SHROOM2: variants seen among roughly 807,000 people sequenced by gnomAD.
SHROOM2 encodes the protein protein Shroom2.
Under a neutral mutation model 75.9 loss-of-function variants are expected in SHROOM2, and 33 were observed. That is an observed-to-expected ratio of 0.43 (90% CI 0.33 to 0.58). The LOEUF (loss-of-function observed/expected upper bound fraction) is 0.58. Among genes scored for constraint, SHROOM2 ranks in the 20% least tolerant of loss-of-function variants. The pLI is 0.04. For synonymous variants in SHROOM2, 655 were observed against 663.6 expected, an observed-to-expected ratio of 0.99 and a Z score of 0.20; for missense variants, 1,434 against 1,461.2, an observed-to-expected ratio of 0.98 and a Z score of 0.30.
intron 2 of SHROOM2, among the ~76,000 whole-genome samples, chrX:9,883,159 G>A (rs1419913764): frequency 8.9e-6 from 1 of 112,567 alleles, no homozygotes; most frequent in Non-Finnish European, 1.9e-5. Flanking sequence ...CGTCTTCCAG[G>A]AGCTTGCAGC....
chrX:9,871,176 G>A (rs977005814), intron 1 of SHROOM2, among the ~76,000 whole-genome samples: 1 of 111,655 alleles, frequency 9.0e-6, no homozygotes, highest in Non-Finnish European at 1.9e-5. Flanking sequence ...TTCCCACCCT[G>A]CCTGGATACT....
At chrX:9,788,139 C>T (rs2083626934) in intron 1 of SHROOM2, among the ~76,000 whole-genome samples, 1 of 110,217 alleles carries the variant, frequency 9.1e-6, no homozygotes, top group African/African-American at 3.3e-5. Flanking sequence ...TCTCGAACTC[C>T]TCTGCCTCCC....
At chrX:9,809,805 A>G (rs761277404) in intron 1 of SHROOM2, among the ~76,000 whole-genome samples, 24 of 111,890 alleles carry the variant, frequency 2.1e-4, no homozygotes, top group African/African-American at 7.8e-4. Context: ...AGTAGCTGGG[A>G]CTACAGGCGT....
chrX:9,861,935 T>G (rs2084106057), intron 1 of SHROOM2, among the ~76,000 whole-genome samples: 1 of 111,472 alleles, frequency 9.0e-6, no homozygotes, highest in South Asian at 3.8e-4. Flanking sequence ...GGGATTTGTA[T>G]CAGCCAGGAT....
intron 3 of SHROOM2, among the ~76,000 whole-genome samples, chrX:9,892,561 T>C (rs944867363): frequency 8.9e-6 from 1 of 112,297 alleles, no homozygotes; most frequent in Non-Finnish European, 1.9e-5. Flanking sequence ...GAAAGAAACA[T>C]GCACACTGCC....
At chrX:9,918,982 G>A (rs1167520401) in intron 5 of SHROOM2, among the ~76,000 whole-genome samples, 1 of 112,022 alleles carries the variant, frequency 8.9e-6, no homozygotes, top group African/African-American at 3.2e-5. Flanking sequence ...GGATTCAGAA[G>A]GCCCGAGCAC....
rs775430947 is a variant in SHROOM2, at chrX:9,896,429, C to A, written c.2521C>A (p.Pro841Thr). ...GGGCCGCACATGTGAGGGCACGGAG[C>A]CCTGGTCGCGCACCACCTCCCTTGG... ...TAGRTCEGTEPWSRTTSLGDS... is the reference protein window; with the variant it reads ...TAGRTCEGTETWSRTTSLGDS... Residue 841 changes from proline to threonine, a missense_variant, in exon 4 of 10, where the codon CCC becomes ACC. Transcript: ENST00000380913. 6 of 1,211,955 alleles carry A rather than the reference C, an allele frequency of 5.0e-6. No individual in the cohort carries two copies. Among genetic ancestry groups the A allele is most frequent in the Non-Finnish European group, 5.6e-6 (5 of 895,570 alleles).
chrX:9,900,858 C>T (rs982203430), intron 5 of SHROOM2, among the ~76,000 whole-genome samples: 2 of 110,333 alleles, frequency 1.8e-5, no homozygotes, highest in African/African-American at 3.3e-5. Context: ...CCCCCACCCC[C>T]ACTGCCATCA....
chrX:9,790,974 C>G (rs2083644542), intron 1 of SHROOM2, among the ~76,000 whole-genome samples: 1 of 110,688 alleles, frequency 9.0e-6, no homozygotes, highest in Non-Finnish European at 1.9e-5. Context: ...TTCTTCCTCT[C>G]TTAGACATTA....
chrX:9,937,022 G>A (rs2084715767), intron 6 of SHROOM2, 112 bp from the exon 7 acceptor site: 1 of 794,855 alleles, frequency 1.3e-6, no homozygotes, highest in Non-Finnish European at 1.8e-6. Flanking sequence ...TTGGGTGGCT[G>A]GCTAGTGCCT....
chrX:9,860,083 CAT>C (rs1012234932), intron 1 of SHROOM2, among the ~76,000 whole-genome samples: 1 of 111,802 alleles, frequency 8.9e-6, no homozygotes, highest in Non-Finnish European at 1.9e-5. Flanking sequence ...CTCCAGGAGA[CAT>C]GTGGTAACAT....
chrX:9,816,920 G>C (rs1343297144), intron 1 of SHROOM2, among the ~76,000 whole-genome samples: 1 of 111,757 alleles, frequency 8.9e-6, no homozygotes, highest in Non-Finnish European at 1.9e-5. Context: ...GACATTGGCA[G>C]TATCTTCATC....
chrX:9,856,055 C>T (rs113355336), intron 1 of SHROOM2, among the ~76,000 whole-genome samples: 1,136 of 100,880 alleles, frequency 0.011, 17 homozygotes, highest in African/African-American at 0.039. Context: ...AAAGCAAAAC[C>T]GAATGAACTT....
At chrX:9,831,768 G>A (rs752918928) in intron 1 of SHROOM2, among the ~76,000 whole-genome samples, 5 of 111,856 alleles carry the variant, frequency 4.5e-5, no homozygotes, top group Non-Finnish European at 9.4e-5. Context: ...GGGCTTCCTG[G>A]TTCACACAGT....
At chrX:9,921,133 A>G (rs965988975) in intron 5 of SHROOM2, among the ~76,000 whole-genome samples, 4 of 110,931 alleles carry the variant, frequency 3.6e-5, no homozygotes, top group African/African-American at 1.3e-4. Flanking sequence ...GTTCCTCCCC[A>G]CATGGATCTC....
Position 9,937,240 on chromosome X carries a change from C to T in SHROOM2, c.3694C>T (p.Pro1232Ser). 8.3e-7 allele frequency: 1 copy of T among 1,208,671 alleles called. No homozygotes were observed. The highest frequency in any genetic ancestry group is 1.1e-6 in the Non-Finnish European group (1 of 894,048). The change falls in exon 7 of 10, where the codon CCC becomes TCC. Residue 1232 changes from proline (P) to serine (S), a missense_variant. Pro to Ser is a moderately conservative substitution (Grantham distance 74, BLOSUM62 -1). This residue lies in a region of SHROOM2 where 1,340 missense variants were observed against 1,338.3 expected (regional missense o/e 1.00). Coordinates refer to ENST00000380913, the MANE Select transcript of SHROOM2 (RefSeq NM_001649.4). ...EKESRQSLAC[P>S]AEPPALPHGL... ...GGAGAGCCGCCAGAGCCTGGCATGCCCCGCCGAGCCACCTGCCCTGCCCCA... is the reference window on the plus strand; with the variant it reads ...GGAGAGCCGCCAGAGCCTGGCATGCTCCGCCGAGCCACCTGCCCTGCCCCA...
At chrX:9,888,656 C>G (rs971245295) in intron 2 of SHROOM2, among the ~76,000 whole-genome samples, 6 of 111,349 alleles carry the variant, frequency 5.4e-5, no homozygotes, top group Non-Finnish European at 9.4e-5. Context: ...GCTACCCAGG[C>G]TGATCTCAAA....
intron 2 of SHROOM2, among the ~76,000 whole-genome samples, chrX:9,877,698 C>T (rs779906594): frequency 1.3e-4 from 15 of 112,235 alleles, no homozygotes; most frequent in Non-Finnish European, 2.1e-4. Flanking sequence ...GCGGATCTAC[C>T]GCTTGCTGGC....
At chrX:9,927,356 C>CAAAAAAAAAAA (rs56344026) in intron 5 of SHROOM2, among the ~76,000 whole-genome samples, 1 of 24,378 alleles carries the variant, frequency 4.1e-5, no homozygotes. Flanking sequence ...TCTCTGTCTC[C>CAAAAAAAAAAA]AAAAAAAAAA....
Sources: gnomAD v4.1 joint callset for allele counts (sites outside exome capture counted in the v4.1 genomes callset) on GRCh38, gnomAD v4.1.1 for gene constraint, gnomAD v4.1.1 regional missense constraint, MANE v1.5 for transcripts, NCBI Gene and HGNC (gene_info 2026-07-23, HGNC 2026-07-21) for gene names.